SLC30A5: variants seen among roughly 807,000 people sequenced by gnomAD.
SLC30A5 encodes the protein proton-coupled zinc antiporter SLC30A5.
SLC30A5 carries 33 observed loss-of-function variants against 79.6 expected under a neutral mutation model. The observed-to-expected ratio is 0.41, with a 90% CI of 0.31 to 0.55. The LOEUF (loss-of-function observed/expected upper bound fraction) is 0.55. Ranked by LOEUF, SLC30A5 falls within the 20% of genes least tolerant of loss-of-function variation. SLC30A5 has a pLI of 0.20. For missense variants in SLC30A5, 788 were observed against 928.1 expected, an observed-to-expected ratio of 0.85 and a Z score of 1.96; for synonymous variants, 299 against 319.7, an observed-to-expected ratio of 0.94 and a Z score of 0.69.
rs1220046379 is a variant in SLC30A5, at chr5:69,094,279, C to T, written c.24C>T (p.Asp8=). ...GGATGGAGGAGAAATACGGCGGGGA[C>T]GTGCTGGCCGGCCCCGGCGGCGGCG... MEEKYGG[D]VLAGPGGGGG... The change falls in exon 1 of 16, where the codon GAC becomes GAT. Residue 8 remains aspartate, a synonymous_variant. Transcript: ENST00000396591. 2.4e-6 allele frequency: 3 copies of T among 1,259,158 alleles called. No homozygotes were observed. Among genetic ancestry groups the T allele is most frequent in the East Asian group, 6.3e-5 (2 of 31,928 alleles). The allele number at this position is 1,259,158 out of a possible 1,614,324, so 78.0% of individuals were successfully genotyped here.
At chr5:69,128,303 G>A (rs1580191425) in intron 15 of SLC30A5, among the ~76,000 whole-genome samples, 171 bp downstream of exon 15, 1 of 146,552 alleles carries the variant, frequency 6.8e-6, no homozygotes, top group African/African-American at 2.5e-5. Context: ...CCAGGCTGGA[G>A]TGCAGTGGCG....
intron 6 of SLC30A5, among the ~76,000 whole-genome samples, chr5:69,113,464 C>G (rs1746286723): frequency 6.6e-6 from 1 of 151,050 alleles, no homozygotes; most frequent in South Asian, 2.1e-4. Flanking sequence ...AATGTAGGGA[C>G]ATTGAAAGAA....
chr5:69,126,734 C>T (rs1263708281), intron 14 of SLC30A5, among the ~76,000 whole-genome samples: 2 of 151,618 alleles, frequency 1.3e-5, no homozygotes, highest in African/African-American at 4.8e-5. Context: ...CACACCACTG[C>T]ACTCCAGCCT....
intron 8 of SLC30A5, 60 bp from the exon 9 acceptor site, chr5:69,115,866 C>T (rs764259477): frequency 6.1e-5 from 83 of 1,358,742 alleles, no homozygotes; most frequent in Non-Finnish European, 7.4e-5. Context: ...ACAGAAACAT[C>T]TTGTAAGATG....
intron 12 of SLC30A5, 144 bp downstream of exon 12, chr5:69,118,772 C>T (rs1746454571): frequency 3.2e-6 from 1 of 313,696 alleles, no homozygotes; most frequent in Non-Finnish European, 5.8e-6. Context: ...TTGCTGTTTA[C>T]ATTTATACTG....
rs1746276458 is a variant in SLC30A5 at position 69,113,128 on chromosome 5, C to A, written c.448-12C>A. ...AAAAAGTCATCCTTGATGTTGTTTTCTTTATTTTCAGACAAGGGGAGCTGC... is the reference window on the plus strand; with the variant it reads ...AAAAAGTCATCCTTGATGTTGTTTTATTTATTTTCAGACAAGGGGAGCTGC... On this transcript the variant is annotated splice_polypyrimidine_tract_variant and intron_variant, in intron 5 of 15. Coordinates refer to ENST00000396591, the MANE Select transcript of SLC30A5 (RefSeq NM_022902.5). The A allele has an allele frequency of 4.4e-6, 7 of 1,608,144 alleles. No homozygotes were observed. The highest frequency in any genetic ancestry group is 5.9e-6 in the Non-Finnish European group (7 of 1,177,238).
intron 12 of SLC30A5, among the ~76,000 whole-genome samples, chr5:69,119,928 G>A (rs1746489414): frequency 6.8e-6 from 1 of 147,794 alleles, no homozygotes; most frequent in Admixed American, 7.1e-5. Flanking sequence ...GCTGAGGCAG[G>A]AGAATCACTT....
chr5:69,111,301 C>T (rs1345062380), intron 5 of SLC30A5, among the ~76,000 whole-genome samples: 9 of 111,022 alleles, frequency 8.1e-5, no homozygotes, highest in African/African-American at 1.4e-4. Context: ...CTTTTTTTTT[C>T]TTTTTCTTTT....
At chr5:69,110,047 G>A (rs1053974828) in intron 5 of SLC30A5, among the ~76,000 whole-genome samples, 13 of 152,174 alleles carry the variant, frequency 8.5e-5, no homozygotes, top group African/African-American at 3.1e-4. Context: ...TACATAGAGA[G>A]CAGTCTTGAG....
Position 69,123,433 on chromosome 5 carries a change from A to G in SLC30A5, c.1998+8A>G. On this transcript the variant is annotated splice_region_variant and intron_variant, in intron 14 of 15. Coordinates refer to ENST00000396591, the MANE Select transcript of SLC30A5 (RefSeq NM_022902.5). ...CATATTGCTTTAGAAAAGGTACTGT[A>G]TGTAATTTCTTCACTACTTTCTTCC... is the stretch of plus-strand genomic sequence containing the variant. 12 of 1,598,304 alleles carry G rather than the reference A, an allele frequency of 7.5e-6. No individual in the cohort carries two copies. Among genetic ancestry groups the G allele is most frequent in the Non-Finnish European group, 1.0e-5 (12 of 1,166,408 alleles).
chr5:69,113,095 A>C (rs1185780182), intron 5 of SLC30A5, 45 bp from the exon 6 acceptor site: 1 of 1,493,794 alleles, frequency 6.7e-7, no homozygotes, highest in Non-Finnish European at 9.3e-7. Flanking sequence ...CTTAAAAATC[A>C]ACCCTTGAAA....
In SLC30A5 at chr5:69,115,329, A is replaced by C. The variant is rs1415258242; in HGVS notation, c.705A>C (p.Lys235Asn). The C allele has an allele frequency of 6.2e-7, 1 of 1,613,978 alleles. No individual in the cohort carries two copies. The highest frequency in any genetic ancestry group is 1.1e-5 in the South Asian group (1 of 91,078). ...TCTCTGTCGACGTTGGTGGAGCTAAACGTCTTCAAGCTTTATCTCATCTTG... is the reference window on the plus strand; with the variant it reads ...TCTCTGTCGACGTTGGTGGAGCTAACCGTCTTCAAGCTTTATCTCATCTTG... ...RKLSVDVGGA[K>N]RLQALSHLVS... Residue 235 changes from lysine (K) to asparagine (N), a missense_variant, in exon 8 of 16, where the codon AAA becomes AAC. This residue lies in a region of SLC30A5 where 626 missense variants were observed against 755.5 expected (regional missense o/e 0.83). Coordinates refer to ENST00000396591, the MANE Select transcript of SLC30A5 (RefSeq NM_022902.5).
At position 69,107,826 on chromosome 5, in the gene SLC30A5, G is replaced by A. The variant is rs1005601241; in HGVS notation, c.360-523G>A. 2.0e-5 allele frequency among the ~76,000 whole-genome samples: 3 copies of A among 150,372 alleles called. No individual in the cohort carries two copies. The Admixed American group carries it at 2.0e-4, about 10-fold the overall frequency. Reference sequence around the variant, plus strand: ...TGGCTTACTGCAACCTCCACCTCCCGAGTTCAAGTGATTCTCCTGCCTCAG... The same window carrying A: ...TGGCTTACTGCAACCTCCACCTCCCAAGTTCAAGTGATTCTCCTGCCTCAG... On this transcript the variant is annotated intron_variant, in intron 4 of 15. Transcript: ENST00000396591.
chr5:69,103,856 T>G, intron 3 of SLC30A5: 1 of 883,072 alleles, frequency 1.1e-6, no homozygotes, highest in East Asian at 3.0e-5. Context: ...CATAATTTTT[T>G]TATTAGAAAG....
intron 1 of SLC30A5, among the ~76,000 whole-genome samples, chr5:69,097,150 A>G (rs1169862803): frequency 1.8e-5 from 2 of 110,092 alleles, no homozygotes; most frequent in Non-Finnish European, 3.3e-5. Flanking sequence ...GAGTCTCGCT[A>G]TGTCGCCCAG....
intron 4 of SLC30A5, among the ~76,000 whole-genome samples, chr5:69,106,574 C>T (rs540912731): frequency 6.6e-6 from 1 of 151,956 alleles, no homozygotes; most frequent in Non-Finnish European, 1.5e-5. Flanking sequence ...TTTGGGAAGC[C>T]GAGGTGGGCA....
intron 13 of SLC30A5, 105 bp from the exon 14 acceptor site, chr5:69,123,094 G>A: frequency 1.4e-6 from 1 of 699,936 alleles, no homozygotes; most frequent in Non-Finnish European, 2.3e-6. Context: ...GCCAGTAGCA[G>A]AGTATGTGGT....
rs188161691 is a variant in SLC30A5 at position 69,129,195 on chromosome 5, T to A, written c.2128-252T>A. ...AAGTGTTTTCGATTTGCGATTTTAT[T>A]TTTTTTAATACTCGCATTACGCTTA... On this transcript the variant is annotated intron_variant, in intron 15 of 15. Coordinates refer to ENST00000396591, the MANE Select transcript of SLC30A5 (RefSeq NM_022902.5). Among the ~76,000 whole-genome samples, 20 of 152,226 alleles carry A rather than the reference T, an allele frequency of 1.3e-4. No individual in the cohort carries two copies. The East Asian group carries it at 3.9e-3, about 29-fold the overall frequency.
intron 1 of SLC30A5, among the ~76,000 whole-genome samples, chr5:69,098,428 A>T (rs1745809840): frequency 6.6e-6 from 1 of 152,106 alleles, no homozygotes; most frequent in African/African-American, 2.4e-5. Context: ...CAGGAGGCTG[A>T]GGCAGGAGAA....
Sources: allele counts gnomAD v4.1 joint callset (sites outside exome capture counted in the v4.1 genomes callset), GRCh38; gene constraint gnomAD v4.1.1; regional missense constraint gnomAD v4.1.1; transcripts MANE v1.5; gene names NCBI Gene and HGNC (gene_info 2026-07-23, HGNC 2026-07-21).